The following NCAM2 variants were observed in gnomAD, a reference collection of about 807,000 sequenced individuals.
NCAM2 encodes the protein N-CAM-2.
A neutral mutation model predicts 98.1 loss-of-function variants in NCAM2; 30 were observed. That is an observed-to-expected ratio of 0.31 (90% CI 0.23 to 0.41). The LOEUF (loss-of-function observed/expected upper bound fraction) is 0.41. Among genes scored for constraint, NCAM2 ranks in the 10% least tolerant of loss-of-function variants. The pLI is 1.00. For synonymous variants in NCAM2, 368 were observed against 342.4 expected (o/e 1.07, Z -0.83); for missense variants, 867 against 1,005.8 (o/e 0.86, Z 1.87).
chr21:21,482,070 C>A (rs528597523), intron 15 of NCAM2, among the ~76,000 whole-genome samples: 1 of 152,010 alleles, frequency 6.6e-6, no homozygotes, highest in South Asian at 2.1e-4. Flanking sequence ...TGCACTCCAG[C>A]CTGGGTGACA....
chr21:21,531,850 G>C (rs1293593003), intron 16 of NCAM2, among the ~76,000 whole-genome samples: 1 of 148,176 alleles, frequency 6.7e-6, no homozygotes, highest in Non-Finnish European at 1.5e-5. Context: ...AAAATTAGCC[G>C]GGCGTGGTGG....
At chr21:21,312,519 A>G (rs916584988) in intron 5 of NCAM2, among the ~76,000 whole-genome samples, 1 of 151,682 alleles carries the variant, frequency 6.6e-6, no homozygotes, top group African/African-American at 2.4e-5. Flanking sequence ...TAACACTTTA[A>G]AGAAACTGTT....
At chr21:21,175,387 T>C (rs753511598) in intron 1 of NCAM2, among the ~76,000 whole-genome samples, 16 of 151,828 alleles carry the variant, frequency 1.1e-4, no homozygotes, top group Admixed American at 2.0e-4. Flanking sequence ...ACAAAAATTA[T>C]CTGGGCATGG....
At chr21:21,445,257 G>T (rs6518105) in intron 12 of NCAM2, among the ~76,000 whole-genome samples, 5 of 151,856 alleles carry the variant, frequency 3.3e-5, no homozygotes, top group African/African-American at 9.7e-5. Flanking sequence ...TTCCAATTAC[G>T]TGGTCGATTT....
intron 1 of NCAM2, among the ~76,000 whole-genome samples, chr21:21,206,641 T>C (rs893059217): frequency 5.3e-5 from 8 of 152,200 alleles, no homozygotes; most frequent in Admixed American, 1.3e-4. Flanking sequence ...ACAGGTGTTG[T>C]TATATGCTTC....
rs117167767 is a variant in NCAM2 at position 21,396,285 on chromosome 21, C to A, written c.1196-13989C>A. On this transcript the variant is annotated intron_variant, in intron 9 of 17. Coordinates refer to ENST00000400546, the MANE Select transcript of NCAM2 (RefSeq NM_004540.5). ...AACATTACTAATGATCAAGGAAATG[C>A]CAATCAAAACCACAATGTGATACAA... Among the ~76,000 whole-genome samples the A allele has an allele frequency of 4.6e-5, 7 of 152,176 alleles. No homozygotes were observed. In the East Asian group the frequency reaches 1.4e-3, roughly 29 times the overall value.
chr21:21,151,138 T>C (rs2067436508), intron 1 of NCAM2, among the ~76,000 whole-genome samples: 1 of 152,046 alleles, frequency 6.6e-6, no homozygotes, highest in Non-Finnish European at 1.5e-5. Flanking sequence ...TCTGGCAATT[T>C]AGATATATTT....
At chr21:21,523,429 A>T (rs940064227) in intron 16 of NCAM2, among the ~76,000 whole-genome samples, 2 of 151,246 alleles carry the variant, frequency 1.3e-5, no homozygotes, top group Non-Finnish European at 2.9e-5. Context: ...TAGTTTGCCC[A>T]GCATGGTTTA....
rs1207899376 is a variant in NCAM2 at position 21,187,081 on chromosome 21, T to A, written c.56-93497T>A. Among the ~76,000 whole-genome samples, 6 of 151,868 alleles carry A rather than the reference T, an allele frequency of 4.0e-5. No homozygotes were observed. In the East Asian group the frequency reaches 1.2e-3, roughly 29 times the overall value. The stretch of plus-strand genomic sequence containing the variant: ...CCCGTCTCTATTAAAAATACAAAAA[T>A]TAGCCAGGTGTGGTGGTTTGTGCCC... On this transcript the variant is annotated intron_variant, in intron 1 of 17. Transcript: ENST00000400546.
chr21:21,421,131 T>G (rs1298200902), intron 11 of NCAM2, among the ~76,000 whole-genome samples: 2 of 151,874 alleles, frequency 1.3e-5, no homozygotes, highest in African/African-American at 2.4e-5. Context: ...ATGACCAGAA[T>G]TTTTAGGAGG....
chr21:21,067,403 CAT>C (rs2065463252), intron 1 of NCAM2, among the ~76,000 whole-genome samples: 1 of 152,046 alleles, frequency 6.6e-6, no homozygotes, highest in Non-Finnish European at 1.5e-5. Flanking sequence ...ATGCTACTGA[CAT>C]ATATAGACAA....
At chr21:21,290,579 G>T (rs964560244) in intron 4 of NCAM2, among the ~76,000 whole-genome samples, 15 of 151,820 alleles carry the variant, frequency 9.9e-5, no homozygotes, top group African/African-American at 3.6e-4. Context: ...TTCAACCTAA[G>T]GAAAAAGTGA....
chr21:21,456,343 C>G (rs1241637544), intron 12 of NCAM2, among the ~76,000 whole-genome samples: 1 of 152,098 alleles, frequency 6.6e-6, no homozygotes, highest in Non-Finnish European at 1.5e-5. Context: ...ATCTGATTGA[C>G]TTTATTCTGA....
At chr21:21,262,382 A>G (rs766756939) in intron 1 of NCAM2, among the ~76,000 whole-genome samples, 20 of 152,132 alleles carry the variant, frequency 1.3e-4, no homozygotes, top group Admixed American at 4.6e-4. Flanking sequence ...CCTGATACCA[A>G]AATCTGACAA....
intron 9 of NCAM2, among the ~76,000 whole-genome samples, chr21:21,387,500 CTTTCAGGA>C (rs1390387601): frequency 6.2e-5 from 9 of 144,380 alleles, no homozygotes; most frequent in Non-Finnish European, 1.4e-4. Context: ...CTTAGTGTAT[CTTTCAGGA>C]TATTCAAGAC....
At chr21:21,392,168 T>C (rs1431189467) in intron 9 of NCAM2, among the ~76,000 whole-genome samples, 2 of 152,212 alleles carry the variant, frequency 1.3e-5, no homozygotes, top group Admixed American at 1.3e-4. Flanking sequence ...ATTCTCATCA[T>C]TTAACTCCAA....
At chr21:21,339,469 G>T (rs566814160) in intron 8 of NCAM2, among the ~76,000 whole-genome samples, 1 of 151,958 alleles carries the variant, frequency 6.6e-6, no homozygotes. Flanking sequence ...GAAAGGAAAA[G>T]ATGGTGAAAT....
chr21:21,246,317 G>A (rs1406668918), intron 1 of NCAM2, among the ~76,000 whole-genome samples: 1 of 152,082 alleles, frequency 6.6e-6, no homozygotes, highest in South Asian at 2.1e-4. Flanking sequence ...CCACTCCTGA[G>A]TTCTCGATCT....
chr21:21,219,346 T>G (rs1479809208), intron 1 of NCAM2, among the ~76,000 whole-genome samples: 1 of 152,218 alleles, frequency 6.6e-6, no homozygotes, highest in Non-Finnish European at 1.5e-5. Context: ...GTAAATTGGC[T>G]TAAGTACAAC....
Sources: gnomAD v4.1 joint callset for allele counts (sites outside exome capture counted in the v4.1 genomes callset) on GRCh38, gnomAD v4.1.1 for gene constraint, MANE v1.5 for transcripts, NCBI Gene and HGNC (gene_info 2026-07-23, HGNC 2026-07-21) for gene names.